The following PRMT8 variants were observed in gnomAD, a reference collection of about 807,000 sequenced individuals.
PRMT8 encodes the protein protein arginine N-methyltransferase 8.
A neutral mutation model predicts 47.1 loss-of-function variants in PRMT8; 7 were observed. The ratio of observed to expected loss-of-function variants is 0.15; its 90% CI spans 0.08 to 0.28. PRMT8 has a LOEUF of 0.28. PRMT8 is among the 10% of genes least tolerant of loss of function. The probability of loss-of-function intolerance (pLI) is 1.00; values close to 1 mark genes in which losing one functional copy is unlikely to be tolerated. For synonymous variants in PRMT8, 188 were observed against 186.5 expected (o/e 1.01, Z -0.07); for missense variants, 237 against 505.4 (o/e 0.47, Z 5.09).
intron 8 of PRMT8, among the ~76,000 whole-genome samples, chr12:3,589,223 G>A (rs1242773316): frequency 6.6e-6 from 1 of 152,156 alleles, no homozygotes; most frequent in Non-Finnish European, 1.5e-5. Flanking sequence ...TAATCATTAT[G>A]CCAGGAAAAC....
intron 4 of PRMT8, among the ~76,000 whole-genome samples, chr12:3,563,554 CAGG>C (rs145114114): frequency 0.051 from 7,763 of 152,154 alleles, 278 homozygotes; most frequent in Middle Eastern, 0.14. Flanking sequence ...TGACCAGCCG[CAGG>C]AGAAGGGTAG....
chr12:3,547,347 A>G (rs1866342481), intron 2 of PRMT8, among the ~76,000 whole-genome samples: 1 of 152,200 alleles, frequency 6.6e-6, no homozygotes, highest in Admixed American at 6.5e-5. Flanking sequence ...ACACAGAAAA[A>G]TAAAGAAATC....
chr12:3,491,586 CCT>C lies in PRMT8; in HGVS notation c.-37_-36del. 1 of 1,602,514 alleles carries C rather than the reference CCT, an allele frequency of 6.2e-7. No individual in the cohort carries two copies. The stretch of plus-strand genomic sequence containing the variant: ...TAAAGCGACACCAGCTCTCTCTCCT[CCT>C]CTACTATCTCGGTATCACCAAACCC... On this transcript the variant is annotated 5_prime_UTR_variant, in exon 1 of 10. Coordinates refer to ENST00000382622, the MANE Select transcript of PRMT8 (RefSeq NM_019854.5).
At chr12:3,443,110 G>A (rs1207372672) in intron 1 of PRMT8, among the ~76,000 whole-genome samples, 1 of 152,168 alleles carries the variant, frequency 6.6e-6, no homozygotes. Context: ...TGGGATGAAT[G>A]GATGAATGAA....
At chr12:3,537,812 C>G (rs1197442832) in intron 1 of PRMT8, among the ~76,000 whole-genome samples, 1 of 152,190 alleles carries the variant, frequency 6.6e-6, no homozygotes, top group Non-Finnish European at 1.5e-5. Context: ...AGTTCAGGCT[C>G]TCATTATTTC....
At chr12:3,444,887 G>A (rs1864840926) in intron 1 of PRMT8, among the ~76,000 whole-genome samples, 2 of 152,224 alleles carry the variant, frequency 1.3e-5, no homozygotes, top group South Asian at 4.1e-4. Flanking sequence ...CCGGGGCTAT[G>A]GCGTTGCAAG....
intron 1 of PRMT8, among the ~76,000 whole-genome samples, chr12:3,530,848 A>C (rs1310175875): frequency 6.6e-6 from 1 of 152,184 alleles, no homozygotes; most frequent in Non-Finnish European, 1.5e-5. Context: ...TCCTCTGAAT[A>C]TTTACACGCT....
chr12:3,531,149 G>A (rs1866024768), intron 1 of PRMT8, among the ~76,000 whole-genome samples: 1 of 152,116 alleles, frequency 6.6e-6, no homozygotes, highest in African/African-American at 2.4e-5. Flanking sequence ...AACTAAAAGT[G>A]TAGTCTAACT....
rs909418838 is a variant in PRMT8 at position 3,465,156 on chromosome 12, T to A, written c.49-75450T>A. 1.8e-4 allele frequency among the ~76,000 whole-genome samples: 20 copies of A among 112,538 alleles called. No individual in the cohort carries two copies. In the East Asian group the frequency reaches 2.1e-3, roughly 12 times the overall value. The allele number at this position is 112,538 out of a possible 152,430, so 73.8% of individuals were successfully genotyped here. On this transcript the variant is annotated intron_variant, in intron 1 of 9. Transcript: ENST00000452611. ...TATATATATATATATATAATTTTTT[T>A]ATAAAAAAATATATATTTATATATA...
chr12:3,562,125 A>C lies in PRMT8; in HGVS notation c.482-6581A>C, dbSNP rs117970307. 4.3e-4 allele frequency among the ~76,000 whole-genome samples: 65 copies of C among 152,358 alleles called. No homozygotes were observed. In the East Asian group the frequency reaches 0.01, roughly 23 times the overall value. ...TAAAACACAACAGCATCCGGTGGGC[A>C]CTAAGCAACCAATAAACATTAGCGG... On this transcript the variant is annotated intron_variant, in intron 4 of 9. Coordinates refer to ENST00000382622, the MANE Select transcript of PRMT8 (RefSeq NM_019854.5).
At chr12:3,440,956 C>T (rs1039257581) in intron 1 of PRMT8, among the ~76,000 whole-genome samples, 10 of 152,164 alleles carry the variant, frequency 6.6e-5, no homozygotes, top group Admixed American at 5.2e-4. Flanking sequence ...CTCTTGTTAA[C>T]AATACTCTTT....
intron 1 of PRMT8, among the ~76,000 whole-genome samples, chr12:3,438,416 C>G (rs61909488): frequency 0.1 from 15,363 of 152,290 alleles, 944 homozygotes; most frequent in Non-Finnish European, 0.12. Flanking sequence ...TGACAGCTTG[C>G]TGCCCTCCAG....
intron 1 of PRMT8, among the ~76,000 whole-genome samples, chr12:3,459,856 G>A (rs916306567): frequency 6.6e-6 from 1 of 152,088 alleles, no homozygotes; most frequent in African/African-American, 2.4e-5. Flanking sequence ...GGGTGAGGAC[G>A]GAATCTCTTA....
intron 1 of PRMT8, among the ~76,000 whole-genome samples, chr12:3,523,668 C>T (rs1865913596): frequency 6.6e-6 from 1 of 152,216 alleles, no homozygotes; most frequent in African/African-American, 2.4e-5. Flanking sequence ...GCTGGGCGGC[C>T]TCAGGCACAG....
chr12:3,536,850 T>C (rs1866126641), intron 1 of PRMT8, among the ~76,000 whole-genome samples: 1 of 152,250 alleles, frequency 6.6e-6, no homozygotes, highest in Non-Finnish European at 1.5e-5. Flanking sequence ...CTTCCCATAA[T>C]ACCTTTAATG....
At chr12:3,424,022 A>T (rs768076551) in intron 1 of PRMT8, among the ~76,000 whole-genome samples, 13 of 152,152 alleles carry the variant, frequency 8.5e-5, no homozygotes, top group Non-Finnish European at 1.8e-4. Context: ...GGTTCTCCAC[A>T]TACATAACAT....
chr12:3,444,218 C>G (rs1361740301), intron 1 of PRMT8, among the ~76,000 whole-genome samples: 1 of 152,166 alleles, frequency 6.6e-6, no homozygotes, highest in Non-Finnish European at 1.5e-5. Context: ...GGTTCTGGAT[C>G]AAGAAAAGTC....
chr12:3,546,424 G>C (rs1409304122), intron 2 of PRMT8, among the ~76,000 whole-genome samples: 1 of 152,030 alleles, frequency 6.6e-6, no homozygotes, highest in African/African-American at 2.4e-5. Flanking sequence ...TAATTAAATT[G>C]ATAATATCTA....
At chr12:3,439,934 G>A (rs543327016) in intron 1 of PRMT8, among the ~76,000 whole-genome samples, 1 of 152,326 alleles carries the variant, frequency 6.6e-6, no homozygotes, top group East Asian at 1.9e-4. Context: ...AGAAGTATGA[G>A]TCGGGCACCA....
Sources: gnomAD v4.1 joint callset for allele counts (sites outside exome capture counted in the v4.1 genomes callset) on GRCh38, gnomAD v4.1.1 for gene constraint, MANE v1.5 for transcripts, NCBI Gene and HGNC (gene_info 2026-07-23, HGNC 2026-07-21) for gene names.